The following RHOJ variants were observed in gnomAD, a reference collection of about 807,000 sequenced individuals.
The protein encoded by RHOJ is rho-related GTP-binding protein RhoJ.
A neutral mutation model predicts 23.4 loss-of-function variants in RHOJ; 11 were observed. The ratio of observed to expected loss-of-function variants is 0.47; its 90% CI spans 0.30 to 0.78. The LOEUF is 0.78. RHOJ is among the 30% of genes least tolerant of loss of function. RHOJ has a pLI of 0.08. For synonymous variants in RHOJ, 102 were observed against 102.7 expected (o/e 0.99, Z 0.04); for missense variants, 254 against 273.4 (o/e 0.93, Z 0.50).
chr14:63,283,621 G>A (rs1471132705), intron 4 of RHOJ, among the ~76,000 whole-genome samples: 1 of 152,114 alleles, frequency 6.6e-6, no homozygotes, highest in Non-Finnish European at 1.5e-5. Context: ...TTTCTTGGGA[G>A]AGACTTGGGT....
Position 63,255,962 on chromosome 14 carries a change from G to A in RHOJ, c.179-13148G>A, listed in dbSNP as rs145885096. On this transcript the variant is annotated intron_variant, in intron 1 of 4. Transcript: ENST00000316754. ...TAGCTCACTGCAGTCTCCAACTCCC[G>A]GGCTCAAGCAATACTCCTGCCTTAG... Among the ~76,000 whole-genome samples the A allele has an allele frequency of 1.4e-4, 22 of 152,178 alleles. No homozygotes were observed. The South Asian group carries it at 2.9e-3, about 20-fold the overall frequency.
At chr14:63,251,338 A>G (rs568569780) in intron 1 of RHOJ, among the ~76,000 whole-genome samples, 1 of 152,358 alleles carries the variant, frequency 6.6e-6, no homozygotes, top group African/African-American at 2.4e-5. Flanking sequence ...ACTGAAGGAC[A>G]TTGTAAGAAA....
At position 63,292,563 on chromosome 14, in the gene RHOJ, TACA is replaced by T. The variant is rs1163807972; in HGVS notation, c.*1545_*1547del. The T allele has an allele frequency of 1.3e-5, 2 of 152,164 alleles. No homozygotes were observed. The highest frequency in any genetic ancestry group is 2.9e-5 in the Non-Finnish European group (2 of 68,024). The allele number at this position is 152,164 out of a possible 1,614,324, so 9.4% of individuals were successfully genotyped here. On this transcript the variant is annotated 3_prime_UTR_variant, in exon 5 of 5. Transcript: ENST00000316754. ...AAAGTGCTTCTTAGTAGTGTGAAAT[TACA>T]ACAACTTTAAGACTTTCCAGATTCA... is the stretch of plus-strand genomic sequence containing the variant.
intron 1 of RHOJ, among the ~76,000 whole-genome samples, chr14:63,266,682 T>C (rs905222796): frequency 7.2e-5 from 11 of 152,350 alleles, no homozygotes; most frequent in African/African-American, 2.4e-4. Flanking sequence ...TGGGATTGTG[T>C]TCTTGATTTG....
intron 1 of RHOJ, among the ~76,000 whole-genome samples, chr14:63,236,262 G>A (rs956575297): frequency 1.3e-5 from 2 of 152,168 alleles, no homozygotes; most frequent in African/African-American, 4.8e-5. Flanking sequence ...AGCTATGGTG[G>A]TAGAATACCC....
intron 1 of RHOJ, among the ~76,000 whole-genome samples, chr14:63,225,679 C>A: frequency 6.6e-6 from 1 of 151,840 alleles, no homozygotes; most frequent in African/African-American, 2.4e-5. Context: ...GAAAAGGATG[C>A]CAAAAAAACA....
intron 1 of RHOJ, among the ~76,000 whole-genome samples, chr14:63,258,654 G>A (rs1483937409): frequency 3.9e-5 from 6 of 152,124 alleles, no homozygotes; most frequent in African/African-American, 9.7e-5. Flanking sequence ...GCTTTCCTGA[G>A]TTGCCAGAAA....
chr14:63,213,717 G>A (rs1894290418), intron 1 of RHOJ, among the ~76,000 whole-genome samples: 1 of 152,114 alleles, frequency 6.6e-6, no homozygotes, highest in African/African-American at 2.4e-5. Context: ...AGGTCTTCAG[G>A]TTGGTGAGAT....
At chr14:63,215,766 GTTTAT>G in intron 1 of RHOJ, among the ~76,000 whole-genome samples, 1 of 152,042 alleles carries the variant, frequency 6.6e-6, no homozygotes, top group African/African-American at 2.4e-5. Flanking sequence ...AATTTTCTTT[GTTTAT>G]TTAATTTTCC....
chr14:63,264,819 C>A (rs969479360), intron 1 of RHOJ, among the ~76,000 whole-genome samples: 2 of 152,122 alleles, frequency 1.3e-5, no homozygotes, highest in African/African-American at 2.4e-5. Flanking sequence ...ACTTGTATGT[C>A]TTCTTTTGAG....
intron 1 of RHOJ, among the ~76,000 whole-genome samples, chr14:63,267,496 C>T (rs1895389216): frequency 6.6e-6 from 1 of 152,222 alleles, no homozygotes. Flanking sequence ...GTACTGGGCT[C>T]ACCTAAGGTT....
At chr14:63,290,711 T>C (rs1246138540) in intron 4 of RHOJ, among the ~76,000 whole-genome samples, 167 bp from the exon 5 acceptor site, 1 of 133,886 alleles carries the variant, frequency 7.5e-6, no homozygotes, top group Non-Finnish European at 1.6e-5. Context: ...GGATAGCAGA[T>C]ACAAATTGAA....
At chr14:63,273,934 A>T (rs1881629126) in intron 2 of RHOJ, among the ~76,000 whole-genome samples, 1 of 152,224 alleles carries the variant, frequency 6.6e-6, no homozygotes, top group Non-Finnish European at 1.5e-5. Context: ...GAGAAACCAC[A>T]GCCCACAGCA....
At chr14:63,218,643 A>G (rs890465511) in intron 1 of RHOJ, among the ~76,000 whole-genome samples, 1 of 152,182 alleles carries the variant, frequency 6.6e-6, no homozygotes, top group African/African-American at 2.4e-5. Context: ...CAAACATCCT[A>G]TTTAGCAACC....
chr14:63,205,191 C>T (rs962795641), intron 1 of RHOJ, 144 bp downstream of exon 1: 1 of 789,104 alleles, frequency 1.3e-6, no homozygotes, highest in Admixed American at 2.9e-5. Context: ...AGCATACAAC[C>T]CAGGACTTGA....
chr14:63,219,110 T>C (rs1467424), intron 1 of RHOJ, among the ~76,000 whole-genome samples: 146,213 of 152,206 alleles, frequency 0.96, 70,487 homozygotes, highest in Non-Finnish European at 1. Context: ...ATTTAGAAGC[T>C]TGTTCCCTGT....
chr14:63,208,722 C>G (rs1329319826), intron 1 of RHOJ, among the ~76,000 whole-genome samples: 1 of 152,174 alleles, frequency 6.6e-6, no homozygotes, highest in Non-Finnish European at 1.5e-5. Context: ...GGGTCCTCTT[C>G]TTTATTTACA....
chr14:63,270,978 G>A (rs1895458848), intron 2 of RHOJ, among the ~76,000 whole-genome samples: 1 of 152,124 alleles, frequency 6.6e-6, no homozygotes. Flanking sequence ...CTCTTGTGGA[G>A]TTTAATTATT....
intron 1 of RHOJ, among the ~76,000 whole-genome samples, chr14:63,233,767 C>T (rs1894738439): frequency 6.6e-6 from 1 of 152,120 alleles, no homozygotes; most frequent in Non-Finnish European, 1.5e-5. Flanking sequence ...CTTTAACCAG[C>T]CTGGCTTCTC....
Sources: allele counts gnomAD v4.1 joint callset (sites outside exome capture counted in the v4.1 genomes callset), GRCh38; gene constraint gnomAD v4.1.1; transcripts MANE v1.5; gene names NCBI Gene and HGNC (gene_info 2026-07-23, HGNC 2026-07-21).